The following BAIAP2L1 variants were observed in gnomAD, a reference collection of about 807,000 sequenced individuals.
The protein encoded by BAIAP2L1 is BAR/IMD domain containing adaptor protein 2 like 1, also known as BAR/IMD domain-containing adapter protein 2-like 1.
A neutral mutation model predicts 66.3 loss-of-function variants in BAIAP2L1; 35 were observed. The ratio of observed to expected loss-of-function variants is 0.53; its 90% CI spans 0.40 to 0.70. The LOEUF (loss-of-function observed/expected upper bound fraction) is 0.70. Among genes scored for constraint, BAIAP2L1 ranks in the 30% least tolerant of loss-of-function variants. The probability of loss-of-function intolerance (pLI) is 0.00; values close to 1 mark genes in which losing one functional copy is unlikely to be tolerated. For synonymous variants in BAIAP2L1, 269 were observed against 248.7 expected (o/e 1.08, Z -0.77); for missense variants, 622 against 656.9 (o/e 0.95, Z 0.58).
Position 98,292,826 on chromosome 7 carries a change from G to A in BAIAP2L1, c.*695C>T, listed in dbSNP as rs902370466. On this transcript the variant is annotated 3_prime_UTR_variant, in exon 14 of 14. Coordinates refer to ENST00000005260, the MANE Select transcript of BAIAP2L1 (RefSeq NM_018842.5). ...GGCCTGTGTCCTGGATGGGCCGTGT[G>A]CAGCGAATCCGTTGGCGACTCCTAA... is the stretch of plus-strand genomic sequence containing the variant. The A allele has an allele frequency of 6.7e-7, 1 of 1,483,334 alleles. No individual in the cohort carries two copies. The highest frequency in any genetic ancestry group is 9.0e-7 in the Non-Finnish European group (1 of 1,114,178). The allele number at this position is 1,483,334 out of a possible 1,614,324, so 91.9% of individuals were successfully genotyped here.
chr7:98,304,529 A>G (rs578229549), intron 11 of BAIAP2L1, among the ~76,000 whole-genome samples, 153 bp from the exon 12 acceptor site: 9 of 152,258 alleles, frequency 5.9e-5, no homozygotes, highest in East Asian at 1.9e-4. Context: ...CACAGTACAT[A>G]TATCAATACA....
intron 7 of BAIAP2L1, among the ~76,000 whole-genome samples, chr7:98,312,559 G>C (rs1800911507): frequency 6.6e-6 from 1 of 152,196 alleles, no homozygotes; most frequent in African/African-American, 2.4e-5. Flanking sequence ...GAAACTCAAA[G>C]GGAGGGAGGG....
At chr7:98,295,688 T>C (rs1012751399) in intron 12 of BAIAP2L1, among the ~76,000 whole-genome samples, 3 of 151,800 alleles carry the variant, frequency 2.0e-5, no homozygotes, top group Admixed American at 6.6e-5. Context: ...GCCAACACCA[T>C]CTCCCTCACA....
At chr7:98,317,508 C>T in intron 5 of BAIAP2L1, 152 bp from the exon 6 acceptor site, 2 of 814,638 alleles carry the variant, frequency 2.5e-6, no homozygotes, top group Non-Finnish European at 3.9e-6. Context: ...CCCCCACACC[C>T]ACACCAGTTC....
At chr7:98,351,950 C>T (rs1802009960) in intron 3 of BAIAP2L1, among the ~76,000 whole-genome samples, 1 of 152,188 alleles carries the variant, frequency 6.6e-6, no homozygotes, top group Non-Finnish European at 1.5e-5. Context: ...TATGTGATAA[C>T]ACCCCTTCGA....
intron 3 of BAIAP2L1, among the ~76,000 whole-genome samples, chr7:98,327,297 G>A (rs1454417244): frequency 6.6e-6 from 1 of 151,896 alleles, no homozygotes; most frequent in Non-Finnish European, 1.5e-5. Flanking sequence ...GGAGGCAGAG[G>A]TTGCAGTAAG....
Position 98,312,112 on chromosome 7 carries a change from G to C in BAIAP2L1, c.792C>G (p.Ile264Met), listed in dbSNP as rs554904041. ...VSGTPQASPM[I>M]ERSNVVRKDY... is the part of the protein sequence containing the mutation. ...TGGCTCCTACCACATTGCTTCTCTC[G>C]ATCATGGGTGAAGCCTGAGGAGTTC... The change falls in exon 8 of 14, where the codon ATC becomes ATG. Residue 264 changes from isoleucine to methionine, a missense_variant. Transcript: ENST00000005260. 2.5e-6 allele frequency: 4 copies of C among 1,603,142 alleles called. No individual in the cohort carries two copies. The South Asian group carries it at 3.4e-5, about 13-fold the overall frequency.
intron 3 of BAIAP2L1, among the ~76,000 whole-genome samples, chr7:98,332,397 A>T (rs1801517846): frequency 6.7e-6 from 1 of 148,780 alleles, no homozygotes; most frequent in South Asian, 2.1e-4. Flanking sequence ...AAAAAAAAAA[A>T]AAAAAAAAAA....
chr7:98,361,639 C>T (rs147689493), intron 2 of BAIAP2L1, among the ~76,000 whole-genome samples: 124 of 152,256 alleles, frequency 8.1e-4, no homozygotes, highest in African/African-American at 2.8e-3. Context: ...AATAGCAATA[C>T]TCAAGTTCAT....
intron 3 of BAIAP2L1, among the ~76,000 whole-genome samples, chr7:98,351,335 C>T (rs1318500566): frequency 6.6e-6 from 1 of 152,214 alleles, no homozygotes; most frequent in Non-Finnish European, 1.5e-5. Context: ...TGAAAACAGA[C>T]CTTTAATACC....
intron 1 of BAIAP2L1, among the ~76,000 whole-genome samples, chr7:98,367,332 A>G (rs1170109062): frequency 6.6e-6 from 1 of 151,980 alleles, no homozygotes; most frequent in African/African-American, 2.4e-5. Context: ...GGATTTTCCC[A>G]CTTTTTGTAT....
chr7:98,291,662 C>T lies in BAIAP2L1; in HGVS notation c.*1859G>A, dbSNP rs1799961487. On this transcript the variant is annotated 3_prime_UTR_variant, in exon 14 of 14. Coordinates refer to ENST00000005260, the MANE Select transcript of BAIAP2L1 (RefSeq NM_018842.5). ...CAGCTCAAGAAAATGTTTTCAAGTT[C>T]TGCTTTATTATTAAAGTTGTAATCC... The T allele has an allele frequency of 2.9e-6, 1 of 347,526 alleles. No homozygotes were observed. The highest frequency in any genetic ancestry group is 4.1e-6 in the Non-Finnish European group (1 of 241,260). 21.5% of individuals were successfully genotyped at this position (347,526 alleles called of 1,614,324 possible).
intron 3 of BAIAP2L1, among the ~76,000 whole-genome samples, chr7:98,328,716 A>T (rs1415093134): frequency 6.6e-6 from 1 of 151,888 alleles, no homozygotes; most frequent in Non-Finnish European, 1.5e-5. Flanking sequence ...GATACACACC[A>T]ACAAAAATGT....
chr7:98,329,417 ACT>A (rs1801444338), intron 3 of BAIAP2L1, among the ~76,000 whole-genome samples: 1 of 152,038 alleles, frequency 6.6e-6, no homozygotes, highest in Non-Finnish European at 1.5e-5. Context: ...AGAGTTGCAA[ACT>A]TCAGGGGGTC....
chr7:98,390,186 A>G (rs989391381), intron 1 of BAIAP2L1, among the ~76,000 whole-genome samples: 3 of 151,548 alleles, frequency 2.0e-5, no homozygotes, highest in Non-Finnish European at 4.4e-5. Context: ...AAGTGCTGGG[A>G]TTACAGGCAT....
At chr7:98,326,274 C>A (rs1801379861) in intron 3 of BAIAP2L1, among the ~76,000 whole-genome samples, 2 of 152,114 alleles carry the variant, frequency 1.3e-5, no homozygotes, top group Admixed American at 1.3e-4. Flanking sequence ...AAGGCACAGT[C>A]TCAAAAAACC....
intron 1 of BAIAP2L1, among the ~76,000 whole-genome samples, chr7:98,363,803 C>T (rs115142763): frequency 0.023 from 3,487 of 152,120 alleles, 130 homozygotes; most frequent in African/African-American, 0.079. Flanking sequence ...GAACAACTAC[C>T]CAACATTCAA....
intron 3 of BAIAP2L1, among the ~76,000 whole-genome samples, chr7:98,349,832 G>A (rs542844393): frequency 5.3e-5 from 8 of 152,136 alleles, no homozygotes; most frequent in South Asian, 4.2e-4. Flanking sequence ...ACCTCAGGGC[G>A]GATCACCTGA....
At chr7:98,315,312 G>GTCTCT in intron 7 of BAIAP2L1, 148 bp downstream of exon 7, 1 of 584,872 alleles carries the variant, frequency 1.7e-6, no homozygotes, top group Non-Finnish European at 2.5e-6. Context: ...ATTTTTTATA[G>GTCTCT]AGACAGAGTT....
Sources: gnomAD v4.1 joint callset for allele counts (sites outside exome capture counted in the v4.1 genomes callset) on GRCh38, gnomAD v4.1.1 for gene constraint, MANE v1.5 for transcripts, NCBI Gene and HGNC (gene_info 2026-07-23, HGNC 2026-07-21) for gene names.